The following ZC3H3 variants were observed in gnomAD, a reference collection of about 807,000 sequenced individuals.
ZC3H3 encodes the protein zinc finger CCCH-type containing 3.
ZC3H3 carries 36 observed loss-of-function variants against 77.3 expected under a neutral mutation model. That is an observed-to-expected ratio of 0.47 (90% CI 0.36 to 0.61). The LOEUF is 0.61. Ranked by LOEUF, ZC3H3 falls within the 20% of genes least tolerant of loss-of-function variation. The pLI is 0.00. For synonymous variants in ZC3H3, 626 were observed against 555.2 expected, an observed-to-expected ratio of 1.13 and a Z score of -1.79; for missense variants, 1,331 against 1,312.2, an observed-to-expected ratio of 1.01 and a Z score of -0.22.
At chr8:143,527,964 G>A (rs561921351) in intron 3 of ZC3H3, among the ~76,000 whole-genome samples, 2 of 152,262 alleles carry the variant, frequency 1.3e-5, no homozygotes, top group East Asian at 1.9e-4. Context: ...ACGCCTGGGG[G>A]CTCATAACCC....
chr8:143,540,875 G>C (rs111524006), intron 1 of ZC3H3, among the ~76,000 whole-genome samples: 5 of 152,114 alleles, frequency 3.3e-5, no homozygotes, highest in African/African-American at 1.2e-4. Context: ...AGAATCACTC[G>C]AACCCAGGAT....
At chr8:143,474,136 C>T (rs1165115485) in intron 5 of ZC3H3, among the ~76,000 whole-genome samples, 1 of 152,068 alleles carries the variant, frequency 6.6e-6, no homozygotes, top group African/African-American at 2.4e-5. Flanking sequence ...GAGATGAGAC[C>T]ACACGCACAA....
chr8:143,537,823 G>A (rs540481173), intron 2 of ZC3H3, among the ~76,000 whole-genome samples, 180 bp downstream of exon 2: 6 of 151,950 alleles, frequency 3.9e-5, no homozygotes, highest in Admixed American at 3.3e-4. Flanking sequence ...GTTTATGCCG[G>A]CCAGGGCCCC....
intron 3 of ZC3H3, among the ~76,000 whole-genome samples, chr8:143,511,133 G>A (rs1026194039): frequency 1.3e-5 from 2 of 152,238 alleles, no homozygotes; most frequent in African/African-American, 4.8e-5. Flanking sequence ...TCAGGCCGGG[G>A]ACCAGGTGGG....
At chr8:143,537,784 G>A (rs1822850143) in intron 2 of ZC3H3, among the ~76,000 whole-genome samples, 2 of 152,184 alleles carry the variant, frequency 1.3e-5, no homozygotes, top group African/African-American at 2.4e-5. Flanking sequence ...CTTGCCAGCA[G>A]TGTGAGGGAC....
At chr8:143,465,608 T>A in intron 9 of ZC3H3, 109 bp downstream of exon 9, 1 of 1,526,782 alleles carries the variant, frequency 6.5e-7, no homozygotes, top group Non-Finnish European at 8.8e-7. Context: ...ACTGACCACC[T>A]CAGGGCTGCA....
rs373304647 is a variant in ZC3H3 at position 143,507,820 on chromosome 8, C to T, written c.1641G>A (p.Pro547=). Residue 547 remains proline, a synonymous_variant, in exon 4 of 12, where the codon CCG becomes CCA. Transcript: ENST00000262577. ...KTRYRIVKKT[P]ASPLSAPPFP... is the part of the protein sequence containing the mutation. Reference sequence around the variant, plus strand: ...AGGGCGGGGCGCTGAGAGGCGAGGCCGGCGTCTTCTTGACAATGCGGTAGC... The same window carrying T: ...AGGGCGGGGCGCTGAGAGGCGAGGCTGGCGTCTTCTTGACAATGCGGTAGC... 10 of 1,609,328 alleles carry T rather than the reference C, an allele frequency of 6.2e-6. No homozygotes were observed. The highest frequency in any genetic ancestry group is 5.3e-5 in the African/African-American group (4 of 74,900).
chr8:143,465,704 A>C lies in ZC3H3; in HGVS notation c.2307+13T>G. 1.2e-6 allele frequency: 2 copies of C among 1,613,448 alleles called. No homozygotes were observed. Among genetic ancestry groups the C allele is most frequent in the Non-Finnish European group, 1.7e-6 (2 of 1,179,860 alleles). The stretch of plus-strand genomic sequence containing the variant: ...AGGAACCCCGCCCACTCGGGCCCCC[A>C]CAGACCACTCACCTTTGCACCCAGG... On this transcript the variant is annotated intron_variant, in intron 9 of 11. Coordinates refer to ENST00000262577, the MANE Select transcript of ZC3H3 (RefSeq NM_015117.3).
rs534796972 is a variant in ZC3H3, at chr8:143,484,287, G to A, written c.1716-8702C>T. Among the ~76,000 whole-genome samples, 3 of 152,318 alleles carry A rather than the reference G, an allele frequency of 2.0e-5. No individual in the cohort carries two copies. The South Asian group carries it at 6.2e-4, about 32-fold the overall frequency. The stretch of plus-strand genomic sequence containing the variant: ...TCTCACCCCAGTAATGAATAAGAAG[G>A]ATTCGGAGGCGCCTCTGCAGCCTGG... On this transcript the variant is annotated intron_variant, in intron 4 of 11. Transcript: ENST00000262577.
intron 4 of ZC3H3, among the ~76,000 whole-genome samples, chr8:143,498,027 G>C (rs1821401700): frequency 6.6e-6 from 1 of 152,242 alleles, no homozygotes; most frequent in South Asian, 2.1e-4. Flanking sequence ...GCCAGACAGA[G>C]ATCAGGCCCT....
At chr8:143,541,302 C>G (rs1398027409) in intron 1 of ZC3H3, 74 bp downstream of exon 1, 1 of 1,589,490 alleles carries the variant, frequency 6.3e-7, no homozygotes, top group African/African-American at 1.4e-5. Context: ...ACCCCTTCGA[C>G]AAGGGGGCAG....
intron 9 of ZC3H3, among the ~76,000 whole-genome samples, chr8:143,450,109 T>G (rs1191804952): frequency 6.6e-6 from 1 of 152,222 alleles, no homozygotes; most frequent in East Asian, 1.9e-4. Context: ...TATATAGCAA[T>G]GCCTCACTCC....
At chr8:143,484,858 C>T (rs1286205411) in intron 4 of ZC3H3, 4 of 455,574 alleles carry the variant, frequency 8.8e-6, no homozygotes, top group South Asian at 4.7e-5. Flanking sequence ...ACAGCCCCTC[C>T]GAAGACCACA....
chr8:143,479,977 C>T (rs1025962507), intron 4 of ZC3H3, among the ~76,000 whole-genome samples: 3 of 152,216 alleles, frequency 2.0e-5, no homozygotes, highest in Non-Finnish European at 4.4e-5. Flanking sequence ...AGGGGCACCA[C>T]AGGTGCCCAG....
intron 4 of ZC3H3, among the ~76,000 whole-genome samples, chr8:143,499,158 A>T (rs1439498196): frequency 1.3e-5 from 2 of 152,114 alleles, no homozygotes; most frequent in Non-Finnish European, 2.9e-5. Flanking sequence ...CCTGGCTGTG[A>T]GGGAAGCCTG....
chr8:143,531,605 C>G (rs1268474631), intron 3 of ZC3H3, among the ~76,000 whole-genome samples: 1 of 152,224 alleles, frequency 6.6e-6, no homozygotes, highest in Non-Finnish European at 1.5e-5. Flanking sequence ...TCCTGTGGCA[C>G]TTTACACCTC....
intron 4 of ZC3H3, among the ~76,000 whole-genome samples, chr8:143,485,865 C>G (rs1164059523): frequency 6.6e-6 from 1 of 152,268 alleles, no homozygotes; most frequent in Admixed American, 6.5e-5. Flanking sequence ...AGATGCCCAG[C>G]AATGCCAGCC....
chr8:143,439,549 G>A (rs1819670212), intron 11 of ZC3H3, among the ~76,000 whole-genome samples: 1 of 152,206 alleles, frequency 6.6e-6, no homozygotes, highest in South Asian at 2.1e-4. Flanking sequence ...GCTCATCGGG[G>A]GAGAGGGAAC....
At chr8:143,510,585 C>T (rs1281097939) in intron 3 of ZC3H3, among the ~76,000 whole-genome samples, 1 of 152,200 alleles carries the variant, frequency 6.6e-6, no homozygotes, top group African/African-American at 2.4e-5. Flanking sequence ...GGAAGGGTCC[C>T]TCCCTGGCCC....
Sources: allele counts gnomAD v4.1 joint callset (sites outside exome capture counted in the v4.1 genomes callset), GRCh38; gene constraint gnomAD v4.1.1; transcripts MANE v1.5; gene names NCBI Gene and HGNC (gene_info 2026-07-23, HGNC 2026-07-21).